Variants in ROPN1 observed in about 807,000 individuals in gnomAD.
The protein encoded by ROPN1 is rhophilin associated tail protein 1, also known as ropporin-1A.
A neutral mutation model predicts 20.5 loss-of-function variants in ROPN1; 14 were observed. The ratio of observed to expected loss-of-function variants is 0.68; its 90% CI spans 0.45 to 1.07. The LOEUF is 1.07. Ranked by LOEUF, ROPN1 falls within the 50% of genes least tolerant of loss-of-function variation. The pLI, the probability that ROPN1 is intolerant of heterozygous loss-of-function variation, is 0.00. For synonymous variants in ROPN1, 76 were observed against 95.7 expected (o/e 0.79, Z 1.20); for missense variants, 169 against 242.8 (o/e 0.70, Z 2.02).
intron 1 of ROPN1, among the ~76,000 whole-genome samples, chr3:123,985,550 A>G (rs2038233189): frequency 6.6e-6 from 1 of 152,030 alleles, no homozygotes; most frequent in Non-Finnish European, 1.5e-5. Flanking sequence ...TTTGTGACTT[A>G]TTTATTCTTG....
rs1344280801 is a variant in ROPN1 at position 123,981,724 on chromosome 3, G to A, written c.-12-1231C>T. Among the ~76,000 whole-genome samples the A allele has an allele frequency of 2.0e-5, 3 of 152,188 alleles. No individual in the cohort carries two copies. The East Asian group carries it at 5.8e-4, about 29-fold the overall frequency. Reference sequence around the variant, plus strand: ...GGAAATCCCAAGACAAGAAACTAAAGTGGTCTTAGGTTGGTGGGACTTCAT... The same window carrying A: ...GGAAATCCCAAGACAAGAAACTAAAATGGTCTTAGGTTGGTGGGACTTCAT... On this transcript the variant is annotated intron_variant, in intron 1 of 5. Coordinates refer to ENST00000405845, the MANE Select transcript of ROPN1 (RefSeq NM_001317774.2).
intron 1 of ROPN1, 37 bp downstream of exon 1, chr3:123,991,885 G>A (rs1258944727): frequency 6.8e-6 from 1 of 147,410 alleles, no homozygotes; most frequent in African/African-American, 2.4e-5. Context: ...GGCGCTCAGA[G>A]CCCTGCCCTC....
chr3:123,984,701 C>T (rs2149000330), intron 1 of ROPN1, among the ~76,000 whole-genome samples: 1 of 152,264 alleles, frequency 6.6e-6, no homozygotes, highest in South Asian at 2.1e-4. Flanking sequence ...TTTTCCGCTA[C>T]TCTTTACCAA....
At chr3:123,985,008 A>G (rs1183118921) in intron 1 of ROPN1, among the ~76,000 whole-genome samples, 4 of 152,172 alleles carry the variant, frequency 2.6e-5, no homozygotes, top group South Asian at 2.1e-4. Context: ...TCTGCCTTTC[A>G]TTGCTCTCTA....
chr3:123,983,679 GT>G (rs1278655563), intron 1 of ROPN1, among the ~76,000 whole-genome samples: 6 of 151,114 alleles, frequency 4.0e-5, no homozygotes, highest in East Asian at 1.9e-4. Flanking sequence ...ACCTCTTGCA[GT>G]TTTTTTTTCT....
chr3:123,980,099 C>T, intron 2 of ROPN1: 1 of 542,270 alleles, frequency 1.8e-6, no homozygotes, highest in South Asian at 2.9e-5. Flanking sequence ...GGTCATCTAA[C>T]TTGCTGCTTG....
At chr3:123,991,841 C>T (rs1354186028) in intron 1 of ROPN1, 81 bp downstream of exon 1, 1 of 152,094 alleles carries the variant, frequency 6.6e-6, no homozygotes, top group African/African-American at 2.4e-5. Context: ...GGGCGTCCGG[C>T]AGGGCTCCTC....
chr3:123,975,315 C>T, intron 4 of ROPN1, 64 bp downstream of exon 4: 6 of 681,696 alleles, frequency 8.8e-6, no homozygotes, highest in South Asian at 8.7e-5. Context: ...TATAGATGCA[C>T]TGCCCTTCCA....
intron 2 of ROPN1, chr3:123,979,681 C>T (rs2038096550): frequency 5.0e-6 from 2 of 397,538 alleles, no homozygotes; most frequent in Non-Finnish European, 1.0e-5. Flanking sequence ...CTGTTTTCAG[C>T]CATGCCTGAG....
intron 1 of ROPN1, among the ~76,000 whole-genome samples, chr3:123,987,632 A>T (rs1406203768): frequency 6.6e-6 from 1 of 152,184 alleles, no homozygotes; most frequent in Non-Finnish European, 1.5e-5. Context: ...TTCCTTCTTC[A>T]ACTGTGTTTC....
chr3:123,989,877 C>T (rs1160673242), intron 1 of ROPN1, among the ~76,000 whole-genome samples: 1 of 152,182 alleles, frequency 6.6e-6, no homozygotes, highest in African/African-American at 2.4e-5. Flanking sequence ...AGGTTTCTTC[C>T]TTGGGTGATC....
chr3:123,969,108 G>A lies in ROPN1; in HGVS notation c.*47C>T, dbSNP rs745537421. 4.7e-6 allele frequency: 7 copies of A among 1,501,746 alleles called. No homozygotes were observed. The highest frequency in any genetic ancestry group is 1.4e-5 in the African/African-American group (1 of 72,412). 93.0% of individuals were successfully genotyped at this position (1,501,746 alleles called of 1,614,324 possible). A position where few individuals can be genotyped will look rare whatever the true frequency, so the allele number is the denominator to read the frequency against. On this transcript the variant is annotated 3_prime_UTR_variant, in exon 6 of 6. Coordinates refer to ENST00000405845, the MANE Select transcript of ROPN1 (RefSeq NM_001317774.2). ...GTATATGGGTTTCAGTCATTCTGAAGTACAATCATCTCTGTATCTTCCTTT... is the reference window on the plus strand; with the variant it reads ...GTATATGGGTTTCAGTCATTCTGAAATACAATCATCTCTGTATCTTCCTTT...
Position 123,969,064 on chromosome 3 carries a change from A to G in ROPN1, c.*91T>C, listed in dbSNP as rs1439522490. The G allele has an allele frequency of 2.0e-6, 2 of 1,008,536 alleles. No individual in the cohort carries two copies. The highest frequency in any genetic ancestry group is 3.2e-6 in the Non-Finnish European group (2 of 631,416). The allele number at this position is 1,008,536 out of a possible 1,614,324, so 62.5% of individuals were successfully genotyped here. ...TTTATTAGTGTGTACCAGTTGTACA[A>G]GAAAATTGATTTTGGGTGGTATATG... is the stretch of plus-strand genomic sequence containing the variant. On this transcript the variant is annotated 3_prime_UTR_variant, in exon 6 of 6. Coordinates refer to ENST00000405845, the MANE Select transcript of ROPN1 (RefSeq NM_001317774.2).
chr3:123,980,001 A>C, intron 2 of ROPN1: 1 of 477,474 alleles, frequency 2.1e-6, no homozygotes, highest in East Asian at 3.4e-5. Context: ...AGGCAGATTA[A>C]GCTTCGGAGA....
At position 123,970,293 on chromosome 3, in the gene ROPN1, A is replaced by G. The variant is rs2037890881; in HGVS notation, c.397-76T>C. 32 of 1,328,644 alleles carry G rather than the reference A, an allele frequency of 2.4e-5. 1 individual carries two copies. The South Asian group carries it at 4.2e-4, about 18-fold the overall frequency. The allele number at this position is 1,328,644 out of a possible 1,614,324, so 82.3% of individuals were successfully genotyped here. A position where few individuals can be genotyped will look rare whatever the true frequency, so the allele number is the denominator to read the frequency against. On this transcript the variant is annotated intron_variant, in intron 4 of 5. Transcript: ENST00000405845. ...CCTGAGATCGGTTTAGATACAAGAAAGAAAACAAAAATATTGCTCTTATAA... is the reference window on the plus strand; with the variant it reads ...CCTGAGATCGGTTTAGATACAAGAAGGAAAACAAAAATATTGCTCTTATAA...
chr3:123,971,887 T>G (rs2037926418), intron 4 of ROPN1, among the ~76,000 whole-genome samples: 1 of 152,208 alleles, frequency 6.6e-6, no homozygotes, highest in African/African-American at 2.4e-5. Context: ...AGAATGTGAT[T>G]GTATTTGAAC....
At chr3:123,971,801 C>T (rs1275133047) in intron 4 of ROPN1, among the ~76,000 whole-genome samples, 3 of 152,156 alleles carry the variant, frequency 2.0e-5, no homozygotes, top group African/African-American at 7.2e-5. Context: ...GTTCTGTTGC[C>T]CTCTCCCATG....
At chr3:123,986,281 T>C (rs1345200897) in intron 1 of ROPN1, among the ~76,000 whole-genome samples, 2 of 151,554 alleles carry the variant, frequency 1.3e-5, no homozygotes, top group African/African-American at 4.8e-5. Flanking sequence ...TCATAAAAGG[T>C]AATTTAAAAT....
At chr3:123,980,701 T>C (rs1345824009) in intron 1 of ROPN1, 2 of 465,860 alleles carry the variant, frequency 4.3e-6, no homozygotes, top group Non-Finnish European at 3.8e-6. Context: ...GTCCTTTACA[T>C]AAAAATTACA....
Sources: gnomAD v4.1 joint callset for allele counts (sites outside exome capture counted in the v4.1 genomes callset) on GRCh38, gnomAD v4.1.1 for gene constraint, MANE v1.5 for transcripts, NCBI Gene and HGNC (gene_info 2026-07-23, HGNC 2026-07-21) for gene names.